Variants in NEK1 observed in about 807,000 individuals in gnomAD.
The protein encoded by NEK1 is serine/threonine-protein kinase Nek1.
In NEK1, 137 loss-of-function variants were observed where a neutral mutation model predicts 182.1. The observed-to-expected ratio is 0.75, with a 90% CI of 0.65 to 0.87. The LOEUF is 0.87. NEK1 is among the 40% of genes least tolerant of loss of function. The pLI is 0.00. For missense variants in NEK1, 1,391 were observed against 1,494.4 expected (o/e 0.93, Z 1.14); for synonymous variants, 513 against 492.2 (o/e 1.04, Z -0.56).
intron 12 of NEK1, among the ~76,000 whole-genome samples, chr4:169,564,017 A>AT (rs1203680460): frequency 6.6e-6 from 1 of 152,062 alleles, no homozygotes; most frequent in Non-Finnish European, 1.5e-5. Context: ...GGATTTCTGC[A>AT]TATGTTCTTA....
At chr4:169,479,911 A>C (rs1747675486) in intron 23 of NEK1, among the ~76,000 whole-genome samples, 1 of 152,178 alleles carries the variant, frequency 6.6e-6, no homozygotes, top group Non-Finnish European at 1.5e-5. Context: ...CAATCTTCTC[A>C]AAGTTCAAAT....
chr4:169,496,394 T>C (rs1168115196), intron 23 of NEK1, among the ~76,000 whole-genome samples: 3 of 151,294 alleles, frequency 2.0e-5, no homozygotes, highest in East Asian at 1.9e-4. Context: ...ATACCCTTTA[T>C]TTCCTTCTCC....
chr4:169,426,799 A>AGTG (rs1736481053), intron 29 of NEK1, among the ~76,000 whole-genome samples: 1 of 152,238 alleles, frequency 6.6e-6, no homozygotes, highest in Non-Finnish European at 1.5e-5. Context: ...AAGTAAACAA[A>AGTG]GTGATTCACA....
At chr4:169,444,440 C>CA (rs944104835) in intron 27 of NEK1, among the ~76,000 whole-genome samples, 3 of 151,028 alleles carry the variant, frequency 2.0e-5, no homozygotes, top group Admixed American at 6.6e-5. Flanking sequence ...CAAATGGAAA[C>CA]AAAAAAAGAG....
chr4:169,598,851 A>G (rs758648684), intron 5 of NEK1, among the ~76,000 whole-genome samples: 3 of 152,236 alleles, frequency 2.0e-5, no homozygotes, highest in Non-Finnish European at 2.9e-5. Context: ...TAAGGCATAT[A>G]CATAGACGCA....
chr4:169,433,230 T>C (rs925116612), intron 29 of NEK1, among the ~76,000 whole-genome samples: 19 of 151,836 alleles, frequency 1.3e-4, no homozygotes, highest in Admixed American at 1.2e-3. Flanking sequence ...TGGCTAATTT[T>C]TGTATTTTTA....
At position 169,606,672 on chromosome 4, in the gene NEK1, C is replaced by T. The variant is rs142553026; in HGVS notation, c.-48-3994G>A. Among the ~76,000 whole-genome samples, 287 of 152,276 alleles carry T rather than the reference C, an allele frequency of 1.9e-3. 3 individuals are homozygous for T. The highest frequency in any genetic ancestry group is 6.6e-3 in the African/African-American group (274 of 41,546). ...ACCACAGATATCTCTAGATTGGGTA[C>T]ACCAGGCACAACTAAGAATGGAAAT... On this transcript the variant is annotated intron_variant, in intron 2 of 35. Coordinates refer to ENST00000507142, the MANE Select transcript of NEK1 (RefSeq NM_001199397.3).
At chr4:169,560,425 T>C (rs755845337) in intron 16 of NEK1, among the ~76,000 whole-genome samples, 17 of 152,216 alleles carry the variant, frequency 1.1e-4, no homozygotes, top group Non-Finnish European at 1.6e-4. Context: ...CTCTCTCTAA[T>C]TTCTTTTCCC....
intron 16 of NEK1, among the ~76,000 whole-genome samples, chr4:169,556,645 A>G (rs1348742909): frequency 6.6e-6 from 1 of 152,122 alleles, no homozygotes; most frequent in Non-Finnish European, 1.5e-5. Flanking sequence ...TGGGAAAAAT[A>G]GCACAAAACT....
intron 26 of NEK1, among the ~76,000 whole-genome samples, chr4:169,468,352 A>G (rs1337638342): frequency 6.6e-6 from 1 of 152,126 alleles, no homozygotes; most frequent in East Asian, 1.9e-4. Context: ...GGCAGGGGCA[A>G]ACTTTCTGGG....
chr4:169,543,234 T>C (rs547991745), intron 18 of NEK1, among the ~76,000 whole-genome samples: 90 of 152,326 alleles, frequency 5.9e-4, no homozygotes, highest in Non-Finnish European at 1.1e-3. Context: ...ACACCATTTA[T>C]TAAATAGGGA....
At chr4:169,402,092 T>C (rs1261218856) in intron 32 of NEK1, among the ~76,000 whole-genome samples, 3 of 152,224 alleles carry the variant, frequency 2.0e-5, no homozygotes, top group South Asian at 4.1e-4. Context: ...TTCTGGAATA[T>C]ATAAGCCAGA....
At chr4:169,531,141 G>A (rs1388881944) in intron 19 of NEK1, among the ~76,000 whole-genome samples, 1 of 151,868 alleles carries the variant, frequency 6.6e-6, no homozygotes, top group Non-Finnish European at 1.5e-5. Flanking sequence ...GAAATAAAGG[G>A]TAAATCAAGA....
chr4:169,483,242 A>G (rs1401941594), intron 23 of NEK1, among the ~76,000 whole-genome samples: 1 of 152,234 alleles, frequency 6.6e-6, no homozygotes, highest in Non-Finnish European at 1.5e-5. Flanking sequence ...TAAATTTCCC[A>G]TCTTATATGG....
At chr4:169,409,146 ATTGT>A (rs550509116) in intron 31 of NEK1, among the ~76,000 whole-genome samples, 10 of 151,520 alleles carry the variant, frequency 6.6e-5, no homozygotes, top group South Asian at 2.1e-4. Context: ...TGTTTTACTT[ATTGT>A]TTTTCTTTTT....
At chr4:169,427,743 G>A (rs1320321920) in intron 29 of NEK1, among the ~76,000 whole-genome samples, 3 of 151,808 alleles carry the variant, frequency 2.0e-5, no homozygotes, top group South Asian at 4.2e-4. Context: ...TGATCCACCC[G>A]CCTCGGCCTC....
intron 18 of NEK1, among the ~76,000 whole-genome samples, chr4:169,551,496 T>C (rs1216954437): frequency 6.6e-6 from 1 of 152,208 alleles, no homozygotes; most frequent in East Asian, 1.9e-4. Context: ...AGATAAATCA[T>C]AGCACATTCA....
chr4:169,468,843 T>C (rs2149519511), intron 26 of NEK1, among the ~76,000 whole-genome samples: 1 of 152,162 alleles, frequency 6.6e-6, no homozygotes, highest in South Asian at 2.1e-4. Flanking sequence ...TAGTTTAGTC[T>C]TGGGAGGGTG....
In NEK1 at chr4:169,585,412, T is replaced by C; in HGVS notation, c.744A>G (p.Ser248=). 4.3e-6 allele frequency: 7 copies of C among 1,613,750 alleles called. No homozygotes were observed. Among genetic ancestry groups the C allele is most frequent in the Non-Finnish European group, 5.9e-6 (7 of 1,179,746 alleles). Residue 248 remains serine (S), a synonymous_variant, in exon 10 of 36, where the codon TCA becomes TCG. Transcript: ENST00000507142. ...LFKRNPRDRP[S]VNSILEKGFI... ...AACCTTTCTCCAATATGGAGTTGACTGATGGTCTATCCCTAGGATTTCTTT... is the reference window on the plus strand; with the variant it reads ...AACCTTTCTCCAATATGGAGTTGACCGATGGTCTATCCCTAGGATTTCTTT...
Sources: allele counts gnomAD v4.1 joint callset (sites outside exome capture counted in the v4.1 genomes callset), GRCh38; gene constraint gnomAD v4.1.1; transcripts MANE v1.5; gene names NCBI Gene and HGNC (gene_info 2026-07-23, HGNC 2026-07-21).